The following DNAH2 variants were observed in gnomAD, a reference collection of about 807,000 sequenced individuals.
The protein encoded by DNAH2 is axonemal beta dynein heavy chain 2.
Under a neutral mutation model 523.5 loss-of-function variants are expected in DNAH2, and 323 were observed. That is an observed-to-expected ratio of 0.62 (90% CI 0.56 to 0.68). The LOEUF (loss-of-function observed/expected upper bound fraction) is 0.68, where lower values mean the gene tolerates loss of function less well. Among genes scored for constraint, DNAH2 ranks in the 30% least tolerant of loss-of-function variants. DNAH2 has a pLI of 0.00. For synonymous variants in DNAH2, 2,093 were observed against 2,177.4 expected (o/e 0.96, Z 1.08); for missense variants, 4,907 against 5,701.5 (o/e 0.86, Z 4.49).
chr17:7,800,574 A>T (rs73232366), intron 56 of DNAH2, among the ~76,000 whole-genome samples: 3,344 of 151,502 alleles, frequency 0.022, 119 homozygotes, highest in South Asian at 0.12. Context: ...TTACCTTAAA[A>T]ATTTTTTTTT....
At chr17:7,809,772 A>C (rs1462771866) in intron 63 of DNAH2, among the ~76,000 whole-genome samples, 1 of 152,136 alleles carries the variant, frequency 6.6e-6, no homozygotes, top group Non-Finnish European at 1.5e-5. Flanking sequence ...AAGAGAAAGC[A>C]GACAGGGAAC....
chr17:7,734,588 G>A lies in DNAH2; in HGVS notation c.858G>A (p.Met286Ile). 1 of 1,613,742 alleles carries A rather than the reference G, an allele frequency of 6.2e-7. No homozygotes were observed. The highest frequency in any genetic ancestry group is 1.1e-5 in the South Asian group (1 of 91,020). Residue 286 changes from methionine (M) to isoleucine (I), a missense_variant, in exon 7 of 86, where the codon ATG (methionine) becomes ATA (isoleucine). Physicochemically the swap from Met to Ile is conservative, Grantham distance 10. Coordinates refer to ENST00000572933, the MANE Select transcript of DNAH2 (RefSeq NM_020877.5). Reference sequence around the variant, plus strand: ...TTGAGTTCTGGCGCAACCGATGCATGGACCTGTCTGGCATCAGTAAGCAGC... The same window carrying A: ...TTGAGTTCTGGCGCAACCGATGCATAGACCTGTCTGGCATCAGTAAGCAGC... ...EEIEFWRNRC[M>I]DLSGISKQLV... is the part of the protein sequence containing the mutation.
Position 7,720,849 on chromosome 17 carries a change from TAGG to T in DNAH2, c.166+955_166+957del, listed in dbSNP as rs371230323. On this transcript the variant is annotated intron_variant, in intron 2 of 85. Coordinates refer to ENST00000572933, the MANE Select transcript of DNAH2 (RefSeq NM_020877.5). Reference sequence around the variant, plus strand: ...CAGTTAAAATGGGATTGCTCGCTGCTAGGAGGAGTAGGGGAAGATGGGAGGGAA... The same window carrying T: ...CAGTTAAAATGGGATTGCTCGCTGCTAGGAGTAGGGGAAGATGGGAGGGAA... Among the ~76,000 whole-genome samples the T allele has an allele frequency of 4.1e-3, 621 of 152,080 alleles. 7 individuals carry two copies. Among genetic ancestry groups the T allele is most frequent in the African/African-American group, 0.014 (585 of 41,464 alleles).
chr17:7,720,437 C>T (rs1350046742), intron 2 of DNAH2, among the ~76,000 whole-genome samples: 1 of 152,140 alleles, frequency 6.6e-6, no homozygotes, highest in Admixed American at 6.5e-5. Context: ...TTCAGGATGA[C>T]AGGAAAGAAG....
intron 85 of DNAH2, 56 bp from the exon 86 acceptor site, chr17:7,833,323 C>T (rs2078246702): frequency 8.7e-6 from 14 of 1,609,148 alleles, no homozygotes; most frequent in Non-Finnish European, 1.1e-5. Context: ...TGCCCTGCTC[C>T]TGCCCTGCTC....
rs559135955 is a variant in DNAH2 at position 7,801,454 on chromosome 17, A to T, written c.8700-124A>T. ...GCAGGAACAGAATTTGGACAAGGAG[A>T]TACAGGAGCAAGGGGATGGGGCATT... On this transcript the variant is annotated intron_variant, in intron 56 of 85. Transcript: ENST00000572933. 104 of 1,348,852 alleles carry T rather than the reference A, an allele frequency of 7.7e-5. 1 individual carries two copies. The South Asian group carries it at 1.3e-3, about 16-fold the overall frequency. The allele number at this position is 1,348,852 out of a possible 1,614,324, so 83.6% of individuals were successfully genotyped here.
chr17:7,780,360 A>G lies in DNAH2; in HGVS notation c.5850+76A>G, dbSNP rs1211657923. ...ATTCCCTGGACAGAGGAGCTCCCCA[A>G]GGGCCTCACAATCAGCTTATCCTCT... On this transcript the variant is annotated intron_variant, in intron 37 of 85. Transcript: ENST00000572933. The surrounding 1 kb of genome is among the most constrained non-coding windows in gnomAD (Gnocchi z 4.4). The G allele has an allele frequency of 4.4e-6, 7 of 1,595,840 alleles. No individual in the cohort carries two copies. The highest frequency in any genetic ancestry group is 6.0e-6 in the Non-Finnish European group (7 of 1,170,050).
rs151239317 is a variant in DNAH2, at chr17:7,816,673, C to T, written c.9832C>T (p.Arg3278Ter). 18 of 1,614,076 alleles carry T rather than the reference C, an allele frequency of 1.1e-5. No individual in the cohort carries two copies. Among genetic ancestry groups the T allele is most frequent in the South Asian group, 2.2e-5 (2 of 91,084 alleles). The change falls in exon 64 of 86, where the codon CGA becomes TGA. Residue 3278 changes from arginine to a stop codon, truncating the protein, a stop_gained. Coordinates refer to ENST00000572933, the MANE Select transcript of DNAH2 (RefSeq NM_020877.5). LOFTEE classifies it high-confidence loss of function. ...TGAAGAGATGGAGCTGAAGCTGGAG[C>T]GAGCTGGGATGCTCGTGTCGGGGTT... ...KSEEMELKLE[R>*]AGMLVSGLAG...
At position 7,807,923 on chromosome 17, in the gene DNAH2, C is replaced by T. The variant is rs2077410301; in HGVS notation, c.9729+337C>T. Among the ~76,000 whole-genome samples, 1 of 152,136 alleles carries T rather than the reference C, an allele frequency of 6.6e-6. No homozygotes were observed. The highest frequency in any genetic ancestry group is 1.5e-5 in the Non-Finnish European group (1 of 68,024). ...ATCTGCGTGGCAAATTGGTCTTTGC[C>T]AGAGGGATGGGTCAAGAGTGTCTGT... On this transcript the variant is annotated intron_variant, in intron 63 of 85. Transcript: ENST00000572933. The surrounding 1 kb of genome is among the most constrained non-coding windows in gnomAD (Gnocchi z 5.6).
rs200854987 is a variant in DNAH2, at chr17:7,805,008, G to C, written c.9234G>C (p.Gln3078His). 2 of 1,614,070 alleles carry C rather than the reference G, an allele frequency of 1.2e-6. No homozygotes were observed. The highest frequency in any genetic ancestry group is 8.5e-7 in the Non-Finnish European group (1 of 1,180,044). ...EKIAVEEIKCQALADNAQKDL... is the reference protein window; with the variant it reads ...EKIAVEEIKCHALADNAQKDL... ...TTGCAGTTGAGGAAATCAAGTGTCA[G>C]GCACTGGCTGACAATGCCCAGAAAG... The change falls in exon 60 of 86, where the codon CAG becomes CAC. Residue 3078 changes from glutamine (Q) to histidine (H), a missense_variant. Gln to His is a conservative substitution (Grantham distance 24). Transcript: ENST00000572933.
At position 7,798,729 on chromosome 17, in the gene DNAH2, T is replaced by G; in HGVS notation, c.8559+11T>G. 6.2e-7 allele frequency: 1 copy of G among 1,609,142 alleles called. No individual in the cohort carries two copies. The highest frequency in any genetic ancestry group is 8.5e-7 in the Non-Finnish European group (1 of 1,178,698). ...GATGAATTTGAAGAGGTAGGATTCC[T>G]TCCACACCCTTGACCAGTCAGTTCT... On this transcript the variant is annotated intron_variant, in intron 55 of 85. Transcript: ENST00000572933. The surrounding 1 kb of genome is among the most constrained non-coding windows in gnomAD (Gnocchi z 5.5).
At chr17:7,794,128 G>A (rs953105489) in intron 48 of DNAH2, 126 bp from the exon 49 acceptor site, 4 of 568,716 alleles carry the variant, frequency 7.0e-6, no homozygotes, top group South Asian at 2.8e-5. Context: ...GCTGCATCCC[G>A]GTTCCTCTTC....
chr17:7,793,122 C>T lies in DNAH2; in HGVS notation c.7486C>T (p.Gln2496Ter). The change falls in exon 48 of 86, where the codon CAG becomes TAG. Residue 2496 changes from glutamine to a stop codon, truncating the protein, a stop_gained. Transcript: ENST00000572933. LOFTEE classifies it high-confidence loss of function. ...NMPAKDMFGS[Q>*]PPLELIRLWI... ...GCCCGCTAAGGACATGTTTGGGTCC[C>T]AGCCACCCCTGGAGCTGATCCGCCT... 6.2e-7 allele frequency: 1 copy of T among 1,614,192 alleles called. No individual in the cohort carries two copies. Among genetic ancestry groups the T allele is most frequent in the Non-Finnish European group, 8.5e-7 (1 of 1,180,034 alleles).
chr17:7,831,449 G>A lies in DNAH2; in HGVS notation c.12519G>A (p.Gly4173=), dbSNP rs1268045442. 2.5e-6 allele frequency: 4 copies of A among 1,614,072 alleles called. 1 individual carries two copies. The South Asian group carries it at 4.4e-5, about 18-fold the overall frequency. The change falls in exon 81 of 86, where the codon GGG becomes GGA. Residue 4173 remains glycine, a synonymous_variant. Transcript: ENST00000572933. The surrounding 1 kb of genome is among the most constrained non-coding windows in gnomAD (Gnocchi z 4.2). ...TCCCTGAAATGATCGACTATGAGGG[G>A]ACTCAAAAACTGCTAGCTCTCGACC... The part of the protein sequence containing the change: ...QKIPEMIDYE[G]TQKLLALDPS...
rs2076275453 is a variant in DNAH2, at chr17:7,770,135, G to A, written c.3942-117G>A. ...AAGATTGCATCTTCGAGCCTGTTTA[G>A]CAAAATGAGTTGAATCATGAATTGG... On this transcript the variant is annotated intron_variant, in intron 24 of 85. Coordinates refer to ENST00000572933, the MANE Select transcript of DNAH2 (RefSeq NM_020877.5). 5.1e-6 allele frequency: 7 copies of A among 1,372,042 alleles called. No homozygotes were observed. In the South Asian group the frequency reaches 8.5e-5, roughly 17 times the overall value. The allele number at this position is 1,372,042 out of a possible 1,614,324, so 85.0% of individuals were successfully genotyped here. A position where few individuals can be genotyped will look rare whatever the true frequency, so the allele number is the denominator to read the frequency against.
rs749333128 is a variant in DNAH2 at position 7,776,062 on chromosome 17, C to A, written c.4860C>A (p.Thr1620=). 8.7e-6 allele frequency: 14 copies of A among 1,614,008 alleles called. No individual in the cohort carries two copies. The highest frequency in any genetic ancestry group is 1.6e-4 in the Middle Eastern group (1 of 6,084). ...LGDVEQTMRV[T]LRDLLRNCHL... ...ATGTGGAACAGACCATGAGGGTGAC[C>A]CTGCGGGACCTTCTCCGGAACTGCC... Residue 1620 remains threonine, a synonymous_variant, in exon 31 of 86, where the codon ACC becomes ACA. Transcript: ENST00000572933.
Position 7,818,305 on chromosome 17 carries a change from G to A in DNAH2, c.10388-7G>A. The A allele has an allele frequency of 6.2e-7, 1 of 1,613,930 alleles. No homozygotes were observed. The highest frequency in any genetic ancestry group is 8.5e-7 in the Non-Finnish European group (1 of 1,179,998). On this transcript the variant is annotated splice_polypyrimidine_tract_variant and splice_region_variant and intron_variant, in intron 68 of 85. Transcript: ENST00000572933. ...AGTCCTTGCCCCTGACCCTTCCGTG[G>A]ATGCAGGTGGTCGGCTGTTGATGCG...
chr17:7,757,288 C>CT (rs775865196), intron 13 of DNAH2, 51 bp downstream of exon 13: 2 of 1,589,264 alleles, frequency 1.3e-6, no homozygotes, highest in East Asian at 4.5e-5. Context: ...TTTATTCCTT[C>CT]TTTTTCTCTT....
chr17:7,742,978 T>G lies in DNAH2; in HGVS notation c.1740T>G (p.Ser580Arg). Residue 580 changes from serine (S) to arginine (R), a missense_variant, in exon 12 of 86, where the codon AGT becomes AGG. Physicochemically the swap from Ser to Arg is moderately radical, Grantham distance 110. Transcript: ENST00000572933. ...CCCGTATTGGGACTGGAAAGGAGAG[T>G]GTGCACACCTATCAGCAGATGGTCC... is the stretch of plus-strand genomic sequence containing the variant. ...FLPRIGTGKE[S>R]VHTYQQMVQA... The G allele has an allele frequency of 1.3e-6, 2 of 1,482,258 alleles. No homozygotes were observed. The highest frequency in any genetic ancestry group is 2.4e-5 in the East Asian group (1 of 41,436). 91.8% of individuals were successfully genotyped at this position (1,482,258 alleles called of 1,614,324 possible). A position where few individuals can be genotyped will look rare whatever the true frequency, so the allele number is the denominator to read the frequency against.
Sources: gnomAD v4.1 joint callset for allele counts (sites outside exome capture counted in the v4.1 genomes callset) on GRCh38, gnomAD v4.1.1 for gene constraint, Gnocchi (gnomAD v3.1) non-coding constraint, MANE v1.5 for transcripts, NCBI Gene and HGNC (gene_info 2026-07-23, HGNC 2026-07-21) for gene names.